PHF7: variants seen among roughly 807,000 people sequenced by gnomAD.
PHF7 encodes E3 ubiquitin-protein ligase PHF7.
In PHF7, 24 loss-of-function variants were observed where a neutral mutation model predicts 47.5. The ratio of observed to expected loss-of-function variants is 0.51; its 90% CI spans 0.37 to 0.71. The LOEUF (loss-of-function observed/expected upper bound fraction) is 0.71. Among genes scored for constraint, PHF7 ranks in the 30% least tolerant of loss-of-function variants. The pLI is 0.00. For missense variants in PHF7, 361 were observed against 456.8 expected (o/e 0.79, Z 1.91); for synonymous variants, 156 against 153.8 (o/e 1.01, Z -0.11).
Position 52,414,689 on chromosome 3 carries a change from T to C in PHF7, c.186+102T>C, listed in dbSNP as rs904441673. Reference sequence around the variant, plus strand: ...CATATCCACAGCCTTGTTTTTTTATTTTTCTTAATAGCTTTTTTGTTTTAA... The same window carrying C: ...CATATCCACAGCCTTGTTTTTTTATCTTTCTTAATAGCTTTTTTGTTTTAA... On this transcript the variant is annotated intron_variant, in intron 4 of 10. Transcript: ENST00000327906. 5 of 659,516 alleles carry C rather than the reference T, an allele frequency of 7.6e-6. No individual in the cohort carries two copies. The African/African-American group carries it at 9.6e-5, about 13-fold the overall frequency. The allele number at this position is 659,516 out of a possible 1,614,324, so 40.9% of individuals were successfully genotyped here. A position where few individuals can be genotyped will look rare whatever the true frequency, so the allele number is the denominator to read the frequency against.
At chr3:52,412,656 G>A (rs569144217) in intron 1 of PHF7, among the ~76,000 whole-genome samples, 155 bp from the exon 2 acceptor site, 2 of 152,294 alleles carry the variant, frequency 1.3e-5, no homozygotes, top group South Asian at 2.1e-4. Context: ...ACTGCATGGC[G>A]TGTTTGTGAG....
chr3:52,415,850 G>T (rs1404097295), intron 4 of PHF7, among the ~76,000 whole-genome samples: 1 of 152,208 alleles, frequency 6.6e-6, no homozygotes, highest in East Asian at 1.9e-4. Flanking sequence ...AAGCATTCAT[G>T]TACAAGTCTC....
chr3:52,416,530 C>T (rs1311699635), intron 4 of PHF7, among the ~76,000 whole-genome samples: 1 of 150,392 alleles, frequency 6.6e-6, no homozygotes, highest in Admixed American at 6.6e-5. Flanking sequence ...AATATTTTTA[C>T]CCATTTAAAA....
rs975060919 is a variant in PHF7, at chr3:52,410,813, G to C, written c.-504G>C. ...GGCGGCCGGTGAGCTACCGCGAGGA[G>C]GAGCGGCGGAGGCGACCTCGGCCCG... On this transcript the variant is annotated 5_prime_UTR_variant, in exon 1 of 11. Coordinates refer to ENST00000327906, the MANE Select transcript of PHF7 (RefSeq NM_016483.7). 1 of 152,912 alleles carries C rather than the reference G, an allele frequency of 6.5e-6. No individual in the cohort carries two copies. The highest frequency in any genetic ancestry group is 2.0e-4 in the South Asian group (1 of 4,932). The allele number at this position is 152,912 out of a possible 1,614,324, so 9.5% of individuals were successfully genotyped here.
At position 52,419,892 on chromosome 3, in the gene PHF7, G is replaced by A. The variant is rs758372043; in HGVS notation, c.246G>A (p.Leu82=). ...CCAACAGAGGCTTCCATGGATTTCTGCCTGAAGACATCAAAAAGGAGGCAG... is the reference window on the plus strand; with the variant it reads ...CCAACAGAGGCTTCCATGGATTTCTACCTGAAGACATCAAAAAGGAGGCAG... ...GQSNRGFHGF[L]PEDIKKEAAR... Residue 82 remains leucine (L), a synonymous_variant, in exon 5 of 11, where the codon CTG becomes CTA. Coordinates refer to ENST00000327906, the MANE Select transcript of PHF7 (RefSeq NM_016483.7). The A allele has an allele frequency of 1.9e-6, 3 of 1,610,588 alleles. No homozygotes were observed. Among genetic ancestry groups the A allele is most frequent in the African/African-American group, 1.3e-5 (1 of 74,818 alleles).
chr3:52,422,925 T>C, intron 10 of PHF7, 44 bp downstream of exon 10: 1 of 1,612,470 alleles, frequency 6.2e-7, no homozygotes, highest in Non-Finnish European at 8.5e-7. Flanking sequence ...AGGAGGGGGC[T>C]GTAGGGACTT....
At chr3:52,418,364 A>G (rs1277803001) in intron 4 of PHF7, among the ~76,000 whole-genome samples, 1 of 152,210 alleles carries the variant, frequency 6.6e-6, no homozygotes, top group Non-Finnish European at 1.5e-5. Context: ...TATTTTGGAA[A>G]TCTTTCTGTA....
At position 52,414,013 on chromosome 3, in the gene PHF7, G is replaced by C; in HGVS notation, c.59G>C (p.Arg20Thr). The change falls in exon 3 of 11, where the codon AGG becomes ACG. Residue 20 changes from arginine (R) to threonine (T), a missense_variant. Transcript: ENST00000327906. ...TTGTATAGAAAATCTGCCAAGACTAGGAGGGTAACCCAGAGGAAACCGTCT... is the reference window on the plus strand; with the variant it reads ...TTGTATAGAAAATCTGCCAAGACTACGAGGGTAACCCAGAGGAAACCGTCT... ...CQRLRKSAKT[R>T]RVTQRKPSSG... is the part of the protein sequence containing the mutation. The C allele has an allele frequency of 1.2e-6, 2 of 1,611,002 alleles. No individual in the cohort carries two copies. The highest frequency in any genetic ancestry group is 1.7e-6 in the Non-Finnish European group (2 of 1,177,212).
rs1705863146 is a variant in PHF7 at position 52,423,534 on chromosome 3, TCTC to T, written c.*224_*226del. On this transcript the variant is annotated 3_prime_UTR_variant, in exon 11 of 11. Coordinates refer to ENST00000327906, the MANE Select transcript of PHF7 (RefSeq NM_016483.7). ...TATGGCTACAAGAGTGCCTCTGCTT[TCTC>T]CTCCTCTCCTCCCACCAAGGATTCT... 2.2e-6 allele frequency: 1 copy of T among 455,228 alleles called. No homozygotes were observed. The highest frequency in any genetic ancestry group is 3.7e-5 in the East Asian group (1 of 27,346). The allele number at this position is 455,228 out of a possible 1,614,324, so 28.2% of individuals were successfully genotyped here. A position where few individuals can be genotyped will look rare whatever the true frequency, so the allele number is the denominator to read the frequency against.
rs547800566 is a variant in PHF7, at chr3:52,410,978, C to A, written c.-339C>A. 6.6e-6 allele frequency: 1 copy of A among 152,390 alleles called. No individual in the cohort carries two copies. The highest frequency in any genetic ancestry group is 1.5e-5 in the Non-Finnish European group (1 of 68,048). 9.4% of individuals were successfully genotyped at this position (152,390 alleles called of 1,614,324 possible). ...ACACGTATTTTACAGATAAATCATT[C>A]TTGCGGCGGCGGGTCGAACACGTTT... On this transcript the variant is annotated 5_prime_UTR_variant, in exon 1 of 11. Coordinates refer to ENST00000327906, the MANE Select transcript of PHF7 (RefSeq NM_016483.7).
chr3:52,420,534 A>G, intron 6 of PHF7, 99 bp downstream of exon 6: 1 of 1,161,694 alleles, frequency 8.6e-7, no homozygotes, highest in Non-Finnish European at 1.3e-6. Flanking sequence ...GCCTGTTTTG[A>G]TTCACCAGTG....
In PHF7 at chr3:52,421,004, T is replaced by C. The variant is rs760745206; in HGVS notation, c.515T>C (p.Val172Ala). Residue 172 changes from valine to alanine, a missense_variant, in exon 7 of 11, where the codon GTT becomes GCT. Transcript: ENST00000327906. ...TGTGAAGACTTATCCCAACAGAGTG[T>C]TGAGAACATCCAGAGCCCGTGTTGT... Reference protein sequence around the residue: ...LCCEDLSQQSVENIQSPCCSQ... With the variant: ...LCCEDLSQQSAENIQSPCCSQ... 4 of 1,613,730 alleles carry C rather than the reference T, an allele frequency of 2.5e-6. No homozygotes were observed. Among genetic ancestry groups the C allele is most frequent in the Non-Finnish European group, 3.4e-6 (4 of 1,179,818 alleles).
intron 1 of PHF7, among the ~76,000 whole-genome samples, chr3:52,411,854 G>A (rs996336125): frequency 1.1e-4 from 16 of 152,318 alleles, no homozygotes; most frequent in African/African-American, 3.8e-4. Flanking sequence ...TATTGTACTC[G>A]GCTCAGATGG....
At chr3:52,421,605 A>C (rs1280531078) in intron 7 of PHF7, 43 bp from the exon 8 acceptor site, 1 of 1,116,168 alleles carries the variant, frequency 9.0e-7, no homozygotes, top group Admixed American at 1.7e-5. Context: ...AGGTAGTCAA[A>C]GGGTTTTTAC....
Position 52,423,073 on chromosome 3 carries a change from C to T in PHF7, c.920-18C>T. On this transcript the variant is annotated intron_variant, in intron 10 of 10. Transcript: ENST00000327906. ...AAGCAGAGGCTTGAGTTTTCCTCTC[C>T]TGCCTTTCTCTCACCAGACTACATA... 1.9e-6 allele frequency: 3 copies of T among 1,568,614 alleles called. No individual in the cohort carries two copies. Among genetic ancestry groups the T allele is most frequent in the East Asian group, 4.5e-5 (2 of 44,648 alleles).
chr3:52,422,502 G>A (rs1578248062), intron 9 of PHF7, 164 bp downstream of exon 9: 3 of 659,028 alleles, frequency 4.6e-6, no homozygotes, highest in African/African-American at 1.8e-5. Flanking sequence ...TTGTGTGCAC[G>A]TGAACACGTC....
intron 1 of PHF7, 63 bp downstream of exon 1, chr3:52,411,310 GCTCA>G (rs1705422755): frequency 6.6e-6 from 1 of 152,294 alleles, no homozygotes; most frequent in Admixed American, 6.5e-5. Flanking sequence ...TCCGCAGTCC[GCTCA>G]CGTGGACCCC....
chr3:52,410,719 G>T lies in PHF7; in HGVS notation c.-598G>T, dbSNP rs1211053100. On this transcript the variant is annotated 5_prime_UTR_variant, in exon 1 of 11. Coordinates refer to ENST00000327906, the MANE Select transcript of PHF7 (RefSeq NM_016483.7). ...CGCCCGGAGGTAGCTACCACGGCCT[G>T]TGTCAACGACTAAAGCTCCAGTACA... The T allele has an allele frequency of 4.6e-5, 7 of 152,668 alleles. No homozygotes were observed. The highest frequency in any genetic ancestry group is 1.7e-4 in the African/African-American group (7 of 41,466). The allele number at this position is 152,668 out of a possible 1,614,324, so 9.5% of individuals were successfully genotyped here.
chr3:52,414,728 G>T lies in PHF7; in HGVS notation c.186+141G>T, dbSNP rs76765274. The T allele has an allele frequency of 4.9e-3, 2,338 of 476,526 alleles. 60 individuals carry two copies. The highest frequency in any genetic ancestry group is 0.045 in the African/African-American group (2,144 of 47,754). The allele number at this position is 476,526 out of a possible 1,614,324, so 29.5% of individuals were successfully genotyped here. A position where few individuals can be genotyped will look rare whatever the true frequency, so the allele number is the denominator to read the frequency against. On this transcript the variant is annotated intron_variant, in intron 4 of 10. Transcript: ENST00000327906. ...TTTTTGTTTTAAAATCTATTTTTAG[G>T]CTGGGTGCAGTGGCTCACGCCTGTA...
Sources: allele counts gnomAD v4.1 joint callset (sites outside exome capture counted in the v4.1 genomes callset), GRCh38; gene constraint gnomAD v4.1.1; transcripts MANE v1.5; gene names NCBI Gene and HGNC (gene_info 2026-07-23, HGNC 2026-07-21).